Variants in RFX4 observed in about 807,000 individuals in gnomAD.
The protein encoded by RFX4 is regulatory factor X4, also known as transcription factor RFX4.
In RFX4, 10 loss-of-function variants were observed where a neutral mutation model predicts 95.0. That is an observed-to-expected ratio of 0.11 (90% CI 0.06 to 0.18). The LOEUF is 0.18. RFX4 is among the 10% of genes least tolerant of loss of function. The pLI, the probability that RFX4 is intolerant of heterozygous loss-of-function variation, is 1.00. For missense variants in RFX4, 640 were observed against 922.0 expected (o/e 0.69, Z 3.96); for synonymous variants, 321 against 340.7 (o/e 0.94, Z 0.64).
chr12:106,627,493 C>T (rs552540149), intron 2 of RFX4, among the ~76,000 whole-genome samples: 6 of 152,232 alleles, frequency 3.9e-5, no homozygotes, highest in Admixed American at 6.5e-5. Flanking sequence ...GCCGAGACCA[C>T]GCCATTGCAC....
chr12:106,584,858 A>G (rs1252543667), intron 1 of RFX4, among the ~76,000 whole-genome samples: 1 of 152,132 alleles, frequency 6.6e-6, no homozygotes, highest in African/African-American at 2.4e-5. Flanking sequence ...GAGTGGGGAA[A>G]GGCTAAGCCC....
chr12:106,708,404 T>G (rs1459410236), intron 8 of RFX4, among the ~76,000 whole-genome samples: 2 of 150,128 alleles, frequency 1.3e-5, no homozygotes, highest in East Asian at 3.9e-4. Flanking sequence ...AGGAGAGAGT[T>G]GGGGAATTGG....
intron 3 of RFX4, among the ~76,000 whole-genome samples, chr12:106,646,402 C>G (rs2040744479): frequency 1.6e-5 from 2 of 122,298 alleles, no homozygotes; most frequent in African/African-American, 3.2e-5. Flanking sequence ...AATTGCAACA[C>G]TGTGCTTAAT....
intron 5 of RFX4, among the ~76,000 whole-genome samples, chr12:106,685,295 G>T (rs1375265104): frequency 6.6e-6 from 1 of 152,046 alleles, no homozygotes; most frequent in South Asian, 2.1e-4. Flanking sequence ...TAGTAGTAAG[G>T]TTTGAGAATC....
At chr12:106,708,029 G>A (rs1285746220) in intron 8 of RFX4, among the ~76,000 whole-genome samples, 1 of 152,170 alleles carries the variant, frequency 6.6e-6, no homozygotes, top group Non-Finnish European at 1.5e-5. Context: ...AGCTACTCAG[G>A]AGGCTGAGGC....
chr12:106,601,042 A>T, intron 1 of RFX4: 1 of 1,041,926 alleles, frequency 9.6e-7, no homozygotes, highest in Non-Finnish European at 1.3e-6. Context: ...AGTAGGTTCT[A>T]AATCAATATT....
chr12:106,691,990 C>T (rs988691389), intron 7 of RFX4, among the ~76,000 whole-genome samples: 3 of 152,050 alleles, frequency 2.0e-5, no homozygotes, highest in African/African-American at 7.2e-5. Context: ...AACCTCATCT[C>T]TACTAAAAAT....
intron 2 of RFX4, among the ~76,000 whole-genome samples, chr12:106,631,416 G>A (rs920706415): frequency 1.3e-5 from 2 of 152,346 alleles, no homozygotes; most frequent in African/African-American, 2.4e-5. Flanking sequence ...AGTGGTCAGT[G>A]CTGCAGACTG....
chr12:106,733,134 G>C, intron 15 of RFX4, 49 bp downstream of exon 15: 1 of 1,595,326 alleles, frequency 6.3e-7, no homozygotes, highest in Admixed American at 1.7e-5. Flanking sequence ...TTTGAAGAAA[G>C]GGCTTTCTGC....
At chr12:106,639,975 C>A (rs1163061895) in intron 3 of RFX4, among the ~76,000 whole-genome samples, 1 of 152,118 alleles carries the variant, frequency 6.6e-6, no homozygotes, top group Non-Finnish European at 1.5e-5. Context: ...TGAGATTCAC[C>A]CTATGAAGAA....
intron 17 of RFX4, among the ~76,000 whole-genome samples, chr12:106,756,577 T>A (rs1334910396): frequency 1.3e-5 from 2 of 151,882 alleles, no homozygotes; most frequent in Admixed American, 1.3e-4. Context: ...AAAAAAAAAA[T>A]TAATCAATGA....
At chr12:106,722,813 G>C (rs571239149) in intron 13 of RFX4, among the ~76,000 whole-genome samples, 3 of 152,162 alleles carry the variant, frequency 2.0e-5, no homozygotes, top group Non-Finnish European at 4.4e-5. Context: ...GTTTGCAGCA[G>C]ACAAAAGCCC....
intron 14 of RFX4, 88 bp downstream of exon 14, chr12:106,732,337 T>G: frequency 6.5e-7 from 1 of 1,530,088 alleles, no homozygotes; most frequent in Non-Finnish European, 8.9e-7. Flanking sequence ...TAACTCTGTA[T>G]CTCAAAGAAT....
At chr12:106,587,278 C>T (rs1048406366) in intron 1 of RFX4, among the ~76,000 whole-genome samples, 1 of 152,220 alleles carries the variant, frequency 6.6e-6, no homozygotes, top group African/African-American at 2.4e-5. Context: ...CTGGGATTTC[C>T]AAAGCCGCTC....
intron 17 of RFX4, among the ~76,000 whole-genome samples, chr12:106,758,006 G>T (rs1205440628): frequency 1.3e-5 from 2 of 152,202 alleles, no homozygotes; most frequent in Non-Finnish European, 2.9e-5. Flanking sequence ...GGTGACTTAT[G>T]TCCTTTTTAA....
At chr12:106,682,133 C>T in intron 5 of RFX4, 79 bp downstream of exon 5, 1 of 1,444,562 alleles carries the variant, frequency 6.9e-7, no homozygotes, top group African/African-American at 1.4e-5. Context: ...GGCTCTTTAT[C>T]CTGAGCTCTG....
intron 1 of RFX4, among the ~76,000 whole-genome samples, chr12:106,592,930 AG>A (rs2039569274): frequency 6.6e-6 from 1 of 152,196 alleles, no homozygotes. Context: ...GATAAAAAGC[AG>A]AAAAGAATGA....
intron 4 of RFX4, among the ~76,000 whole-genome samples, chr12:106,665,516 AC>A (rs2041157734): frequency 1.3e-5 from 2 of 151,904 alleles, no homozygotes; most frequent in South Asian, 4.1e-4. Context: ...GATAATATTT[AC>A]CATATTTGTT....
At chr12:106,664,891 T>A (rs1217140695) in intron 4 of RFX4, among the ~76,000 whole-genome samples, 1 of 151,916 alleles carries the variant, frequency 6.6e-6, no homozygotes, top group Non-Finnish European at 1.5e-5. Flanking sequence ...TACTGTGGCC[T>A]GAGAGCAGAC....
Sources: allele counts gnomAD v4.1 joint callset (sites outside exome capture counted in the v4.1 genomes callset), GRCh38; gene constraint gnomAD v4.1.1; transcripts MANE v1.5; gene names NCBI Gene and HGNC (gene_info 2026-07-23, HGNC 2026-07-21).